Variants in DNAH14 observed in about 807,000 individuals in gnomAD.
The protein encoded by DNAH14 is dynein axonemal heavy chain 14, also known as axonemal beta dynein heavy chain 14.
DNAH14 carries 478 observed loss-of-function variants against 520.9 expected under a neutral mutation model. That is an observed-to-expected ratio of 0.92 (90% CI 0.85 to 0.99). The LOEUF (loss-of-function observed/expected upper bound fraction) is 0.99. Among genes scored for constraint, DNAH14 ranks in the 50% least tolerant of loss-of-function variants. The pLI, the probability that DNAH14 is intolerant of heterozygous loss-of-function variation, is 0.00. For missense variants in DNAH14, 4,831 were observed against 5,234.5 expected, an observed-to-expected ratio of 0.92 and a Z score of 2.38; for synonymous variants, 1,581 against 1,757.2, an observed-to-expected ratio of 0.90 and a Z score of 2.51.
At chr1:225,372,193 T>C (rs2095627192) in intron 77 of DNAH14, among the ~76,000 whole-genome samples, 2 of 152,182 alleles carry the variant, frequency 1.3e-5, no homozygotes, top group Non-Finnish European at 2.9e-5. Context: ...TCAGATATAA[T>C]GCAGTTCCAA....
chr1:225,054,917 AG>A (rs1226011211), intron 17 of DNAH14, among the ~76,000 whole-genome samples: 2 of 152,188 alleles, frequency 1.3e-5, no homozygotes, highest in Non-Finnish European at 2.9e-5. Flanking sequence ...TCTTTTAAAA[AG>A]AGAAATCAAT....
rs752259088 is a variant in DNAH14, at chr1:225,381,368, C to G, written c.12881-15C>G. 6.6e-7 allele frequency: 1 copy of G among 1,524,040 alleles called. No individual in the cohort carries two copies. Among genetic ancestry groups the G allele is most frequent in the Non-Finnish European group, 8.8e-7 (1 of 1,140,684 alleles). The allele number at this position is 1,524,040 out of a possible 1,614,324, so 94.4% of individuals were successfully genotyped here. A position where few individuals can be genotyped will look rare whatever the true frequency, so the allele number is the denominator to read the frequency against. ...TCTGTAAAATATCAAAATTTTATTT[C>G]TTTTTAAAATCCAGATCACGACCCC... On this transcript the variant is annotated splice_polypyrimidine_tract_variant and intron_variant, in intron 80 of 85. Transcript: ENST00000682510.
intron 59 of DNAH14, 148 bp downstream of exon 59, chr1:225,307,717 T>G (rs1479217107): frequency 3.7e-6 from 2 of 535,514 alleles, no homozygotes; most frequent in Non-Finnish European, 6.1e-6. Flanking sequence ...AAATAGCTTG[T>G]TTTTTTAGTC....
chr1:225,386,517 C>T (rs1422944921), intron 81 of DNAH14, among the ~76,000 whole-genome samples: 4 of 152,084 alleles, frequency 2.6e-5, no homozygotes, highest in African/African-American at 4.8e-5. Context: ...CTACAAAGAA[C>T]GTAAATAAAT....
At chr1:225,204,873 C>A (rs567293214) in intron 39 of DNAH14, among the ~76,000 whole-genome samples, 5 of 152,256 alleles carry the variant, frequency 3.3e-5, no homozygotes, top group African/African-American at 1.2e-4. Flanking sequence ...TTCTACTTTA[C>A]TGAATATTTG....
At chr1:225,100,260 A>G (rs1476954691) in intron 22 of DNAH14, among the ~76,000 whole-genome samples, 1 of 152,152 alleles carries the variant, frequency 6.6e-6, no homozygotes, top group Non-Finnish European at 1.5e-5. Flanking sequence ...ATACCTCTGT[A>G]TTCTTGCTTC....
chr1:225,052,791 C>T (rs1021319623), intron 17 of DNAH14, among the ~76,000 whole-genome samples: 4 of 152,242 alleles, frequency 2.6e-5, no homozygotes, highest in South Asian at 2.1e-4. Flanking sequence ...GATTCAGTTG[C>T]GTACGACAGA....
At chr1:224,971,901 C>T (rs1442321157) in intron 7 of DNAH14, among the ~76,000 whole-genome samples, 1 of 152,020 alleles carries the variant, frequency 6.6e-6, no homozygotes, top group African/African-American at 2.4e-5. Context: ...TAGTTGCATC[C>T]CTGTAATTTA....
chr1:224,973,645 T>C (rs2061636154), intron 7 of DNAH14, among the ~76,000 whole-genome samples: 1 of 152,174 alleles, frequency 6.6e-6, no homozygotes, highest in South Asian at 2.1e-4. Flanking sequence ...TTTACATAAG[T>C]ATTATATAAT....
At chr1:225,012,659 C>A (rs2064885555) in intron 10 of DNAH14, among the ~76,000 whole-genome samples, 1 of 152,120 alleles carries the variant, frequency 6.6e-6, no homozygotes, top group Non-Finnish European at 1.5e-5. Context: ...TTGTTCATTC[C>A]TTTTCATTCT....
chr1:225,001,806 G>A (rs1237916150), intron 8 of DNAH14, among the ~76,000 whole-genome samples: 1 of 152,124 alleles, frequency 6.6e-6, no homozygotes, highest in Non-Finnish European at 1.5e-5. Context: ...TGTGCCACAT[G>A]TCTTTAGCAT....
At chr1:225,398,148 T>C (rs1171824776) in intron 84 of DNAH14, 1 of 168,624 alleles carries the variant, frequency 5.9e-6, no homozygotes, top group Non-Finnish European at 1.3e-5. Flanking sequence ...GTGACAATGT[T>C]TGAGCACAGT....
chr1:225,372,608 C>A (rs2095631951), intron 77 of DNAH14, among the ~76,000 whole-genome samples: 1 of 152,008 alleles, frequency 6.6e-6, no homozygotes, highest in Non-Finnish European at 1.5e-5. Context: ...TATAACAATA[C>A]AAATAACCAA....
intron 15 of DNAH14, among the ~76,000 whole-genome samples, chr1:225,045,767 G>A (rs563182272): frequency 1.3e-5 from 2 of 152,136 alleles, no homozygotes; most frequent in South Asian, 4.2e-4. Flanking sequence ...TGACCACTTA[G>A]TTAAAGTCAT....
At chr1:225,246,309 A>G (rs780575865) in intron 43 of DNAH14, among the ~76,000 whole-genome samples, 4 of 152,186 alleles carry the variant, frequency 2.6e-5, no homozygotes, top group Non-Finnish European at 5.9e-5. Context: ...CATTCAGGAC[A>G]TAGGCATAGG....
intron 26 of DNAH14, 135 bp downstream of exon 26, chr1:225,119,429 A>T: frequency 1.9e-6 from 1 of 540,516 alleles, no homozygotes. Flanking sequence ...ATATGGAGTC[A>T]AATCTCTTAT....
intron 27 of DNAH14, among the ~76,000 whole-genome samples, chr1:225,129,769 A>G (rs372189651): frequency 6.6e-6 from 1 of 152,136 alleles, no homozygotes; most frequent in Non-Finnish European, 1.5e-5. Flanking sequence ...CAAGGACTTC[A>G]TGTCTAAAAC....
At chr1:225,173,659 G>A (rs1420925121) in intron 36 of DNAH14, among the ~76,000 whole-genome samples, 1 of 152,208 alleles carries the variant, frequency 6.6e-6, no homozygotes, top group Admixed American at 6.5e-5. Context: ...TACACTGTTG[G>A]TGGGACTGTA....
rs191672725 is a variant in DNAH14, at chr1:225,298,943, C to G, written c.8470-1926C>G. On this transcript the variant is annotated intron_variant, in intron 55 of 85. Transcript: ENST00000682510. ...TCCCAGCTGATCTGGACAGGGGAGA[C>G]AGGGCTGCAGAGGCAGGATGCCTCC... is the stretch of plus-strand genomic sequence containing the variant. Among the ~76,000 whole-genome samples the G allele has an allele frequency of 4.3e-3, 652 of 152,318 alleles. 4 individuals carry two copies. The highest frequency in any genetic ancestry group is 0.015 in the African/African-American group (622 of 41,570).
Sources: allele counts gnomAD v4.1 joint callset (sites outside exome capture counted in the v4.1 genomes callset), GRCh38; gene constraint gnomAD v4.1.1; transcripts MANE v1.5; gene names NCBI Gene and HGNC (gene_info 2026-07-23, HGNC 2026-07-21).